Variants in GART observed in about 807,000 individuals in gnomAD.
The protein encoded by GART is phosphoribosylglycinamide formyltransferase, phosphoribosylglycinamide synthetase, phosphoribosylaminoimidazole synthetase, also known as trifunctional purine biosynthetic protein adenosine-3.
In GART, 43 loss-of-function variants were observed where a neutral mutation model predicts 107.2. That is an observed-to-expected ratio of 0.40 (90% CI 0.31 to 0.52). The LOEUF (loss-of-function observed/expected upper bound fraction) is 0.52, where lower values mean the gene tolerates loss of function less well. GART is among the 20% of genes least tolerant of loss of function. The probability of loss-of-function intolerance (pLI) is 0.52; values close to 1 mark genes in which losing one functional copy is unlikely to be tolerated. For synonymous variants in GART, 434 were observed against 427.0 expected (o/e 1.02, Z -0.20); for missense variants, 1,107 against 1,206.5 (o/e 0.92, Z 1.22).
chr21:33,528,034 G>T, intron 10 of GART, 133 bp downstream of exon 10: 1 of 749,016 alleles, frequency 1.3e-6, no homozygotes. Flanking sequence ...TAAGCAACAT[G>T]GTTAAGACCC....
At chr21:33,531,265 G>A in intron 6 of GART, 1 of 517,026 alleles carries the variant, frequency 1.9e-6, no homozygotes. Context: ...CCTCAATAGT[G>A]TGTAAGTCCA....
intron 4 of GART, 76 bp downstream of exon 4, chr21:33,534,503 C>T: frequency 6.6e-7 from 1 of 1,511,476 alleles, no homozygotes; most frequent in African/African-American, 1.4e-5. Flanking sequence ...AGGTGAGCTA[C>T]TGTGCCTGGC....
At chr21:33,541,010 T>C (rs892129179) in intron 1 of GART, among the ~76,000 whole-genome samples, 27 of 151,606 alleles carry the variant, frequency 1.8e-4, no homozygotes, top group African/African-American at 5.8e-4. Flanking sequence ...AGTGAAACGA[T>C]GATCATTGAA....
At chr21:33,512,376 G>T (rs547616114) in intron 16 of GART, among the ~76,000 whole-genome samples, 1 of 150,498 alleles carries the variant, frequency 6.6e-6, no homozygotes, top group East Asian at 1.9e-4. Context: ...TTAGGTAAAG[G>T]TCTATATACA....
chr21:33,525,240 A>AAAT (rs974001752), intron 10 of GART, among the ~76,000 whole-genome samples: 2 of 151,966 alleles, frequency 1.3e-5, no homozygotes, highest in African/African-American at 2.4e-5. Flanking sequence ...ATAAATAAAT[A>AAAT]AATAATAATA....
intron 13 of GART, 72 bp from the exon 14 acceptor site, chr21:33,520,634 T>C: frequency 7.5e-7 from 1 of 1,329,756 alleles, no homozygotes; most frequent in Non-Finnish European, 1.1e-6. Flanking sequence ...TTTGATTAGC[T>C]GCTCTTAACA....
At chr21:33,516,053 G>C (rs2084871937) in intron 16 of GART, among the ~76,000 whole-genome samples, 1 of 151,528 alleles carries the variant, frequency 6.6e-6, no homozygotes, top group Non-Finnish European at 1.5e-5. Context: ...TTCGAAACCA[G>C]CCTGGCCAAC....
chr21:33,533,166 G>A (rs540857980), intron 4 of GART, among the ~76,000 whole-genome samples: 66 of 152,264 alleles, frequency 4.3e-4, no homozygotes, highest in African/African-American at 1.4e-3. Flanking sequence ...GTGGCCAGGC[G>A]CGGTGGCTCA....
intron 1 of GART, among the ~76,000 whole-genome samples, chr21:33,540,486 C>T (rs2085392079): frequency 6.6e-6 from 1 of 152,196 alleles, no homozygotes; most frequent in South Asian, 2.1e-4. Flanking sequence ...TTGCTGACTC[C>T]TAATTCAAAT....
chr21:33,524,070 A>G (rs2085022598), intron 11 of GART: 1 of 985,188 alleles, frequency 1.0e-6, no homozygotes, highest in Non-Finnish European at 1.2e-6. Context: ...ACAATGAATC[A>G]GTAAGAGGTC....
intron 10 of GART, among the ~76,000 whole-genome samples, chr21:33,525,732 G>T (rs2085061089): frequency 6.6e-6 from 1 of 151,992 alleles, no homozygotes; most frequent in African/African-American, 2.4e-5. Flanking sequence ...CCTAAGAACT[G>T]TCTGCTATTT....
rs533617606 is a variant in GART at position 33,511,117 on chromosome 21, A to G, written c.2314+135T>C. ...TCGCTGGGGTGGGTGCTGTCATGTTACATCTGTGTAAAGATAGTTGCCATA... is the reference window on the plus strand; with the variant it reads ...TCGCTGGGGTGGGTGCTGTCATGTTGCATCTGTGTAAAGATAGTTGCCATA... On this transcript the variant is annotated intron_variant, in intron 17 of 21. Coordinates refer to ENST00000381815, the MANE Select transcript of GART (RefSeq NM_000819.5). The G allele has an allele frequency of 1.5e-4, 126 of 846,712 alleles. 1 individual carries two copies. Among genetic ancestry groups the G allele is most frequent in the Admixed American group, 8.5e-4 (45 of 53,240 alleles). The allele number at this position is 846,712 out of a possible 1,614,324, so 52.4% of individuals were successfully genotyped here.
At chr21:33,519,623 T>C (rs1189042055) in intron 14 of GART, among the ~76,000 whole-genome samples, 2 of 150,000 alleles carry the variant, frequency 1.3e-5, no homozygotes, top group African/African-American at 2.5e-5. Context: ...AGCCCAGCAA[T>C]TCAAGACCAG....
chr21:33,524,934 T>C lies in GART; in HGVS notation c.1133A>G (p.Lys378Arg). The C allele has an allele frequency of 6.2e-7, 1 of 1,614,216 alleles. No homozygotes were observed. The highest frequency in any genetic ancestry group is 8.5e-7 in the Non-Finnish European group (1 of 1,180,036). ...AACTCTACCCCCATGAGTTACTACT[T>C]TGCCATTTTTGAGGGCAGTGCCTGC... ...FHAGTALKNG[K>R]VVTHGGRVLA... Residue 378 changes from lysine (K) to arginine (R), a missense_variant, in exon 11 of 22, where the codon AAA (lysine) becomes AGA (arginine). Physicochemically the swap from Lys to Arg is conservative, Grantham distance 26. Coordinates refer to ENST00000381815, the MANE Select transcript of GART (RefSeq NM_000819.5).
chr21:33,524,125 A>G, intron 11 of GART: 1 of 985,392 alleles, frequency 1.0e-6, no homozygotes, highest in Non-Finnish European at 1.2e-6. Flanking sequence ...TGATAAAATG[A>G]GACTGTCAAA....
chr21:33,510,805 C>T (rs1313873375), intron 17 of GART, among the ~76,000 whole-genome samples: 3 of 151,710 alleles, frequency 2.0e-5, no homozygotes, highest in Non-Finnish European at 4.4e-5. Context: ...TTCTCTGTAT[C>T]GTTCCAATTT....
chr21:33,532,318 T>A (rs763484266), intron 5 of GART, 27 bp downstream of exon 5: 1 of 1,529,712 alleles, frequency 6.5e-7, no homozygotes, highest in Admixed American at 1.7e-5. Context: ...AATAGAAAAG[T>A]AAATTTTTTC....
intron 11 of GART, among the ~76,000 whole-genome samples, chr21:33,522,701 T>C (rs1002663401): frequency 4.6e-5 from 7 of 152,224 alleles, no homozygotes; most frequent in Non-Finnish European, 7.3e-5. Context: ...ATTATAATGC[T>C]GTGCACCCGG....
Position 33,539,347 on chromosome 21 carries a change from A to G in GART, c.-32T>C, listed in dbSNP as rs772753817. ...GTCTGTAAAGCAGAAATTCCAAAGGAAAATGAAACCTGCAGAAAGAAAACC... is the reference window on the plus strand; with the variant it reads ...GTCTGTAAAGCAGAAATTCCAAAGGGAAATGAAACCTGCAGAAAGAAAACC... On this transcript the variant is annotated 5_prime_UTR_variant, in exon 2 of 22. Coordinates refer to ENST00000381815, the MANE Select transcript of GART (RefSeq NM_000819.5). 103 of 1,588,914 alleles carry G rather than the reference A, an allele frequency of 6.5e-5. 1 individual carries two copies. In the East Asian group the frequency reaches 2.3e-3, roughly 35 times the overall value.
Sources: gnomAD v4.1 joint callset for allele counts (sites outside exome capture counted in the v4.1 genomes callset) on GRCh38, gnomAD v4.1.1 for gene constraint, MANE v1.5 for transcripts, NCBI Gene and HGNC (gene_info 2026-07-23, HGNC 2026-07-21) for gene names.